The following CMSS1 variants were observed in gnomAD, a reference collection of about 807,000 sequenced individuals.
The protein encoded by CMSS1 is cms1 ribosomal small subunit homolog.
CMSS1 carries 33 observed loss-of-function variants against 43.5 expected under a neutral mutation model. That is an observed-to-expected ratio of 0.76 (90% CI 0.57 to 1.01). The LOEUF (loss-of-function observed/expected upper bound fraction) is 1.01, where lower values mean the gene tolerates loss of function less well. Among genes scored for constraint, CMSS1 ranks in the 50% least tolerant of loss-of-function variants. The probability of loss-of-function intolerance (pLI) is 0.00; values close to 1 mark genes in which losing one functional copy is unlikely to be tolerated. For missense variants in CMSS1, 313 were observed against 326.4 expected (o/e 0.96, Z 0.32); for synonymous variants, 115 against 117.2 (o/e 0.98, Z 0.12).
rs2067031636 is a variant in CMSS1, at chr3:100,162,374, G to A, written c.297G>A (p.Met99Ile). Reference sequence around the variant, plus strand: ...TACCTGAAGACCTACAGAAGCTGATGAAGGACTATTATAGCAGCAGACGCT... The same window carrying A: ...TACCTGAAGACCTACAGAAGCTGATAAAGGACTATTATAGCAGCAGACGCT... ...PGLPEDLQKL[M>I]KDYYSSRRLV... is the part of the protein sequence containing the mutation. The change falls in exon 4 of 10, where the codon ATG becomes ATA. Residue 99 changes from methionine to isoleucine, a missense_variant. Physicochemically the swap from Met to Ile is conservative, Grantham distance 10 (BLOSUM62 1). Coordinates refer to ENST00000421999, the MANE Select transcript of CMSS1 (RefSeq NM_032359.4). The A allele has an allele frequency of 6.2e-7, 1 of 1,613,754 alleles. No homozygotes were observed. Among genetic ancestry groups the A allele is most frequent in the Non-Finnish European group, 8.5e-7 (1 of 1,179,698 alleles).
At chr3:99,933,071 G>A (rs1197588438) in intron 1 of CMSS1, among the ~76,000 whole-genome samples, 1 of 152,176 alleles carries the variant, frequency 6.6e-6, no homozygotes, top group Non-Finnish European at 1.5e-5. Flanking sequence ...ACAAATGGAA[G>A]CACGGGAAAC....
At chr3:100,078,861 A>G (rs1020031197) in intron 1 of CMSS1, among the ~76,000 whole-genome samples, 1 of 152,188 alleles carries the variant, frequency 6.6e-6, no homozygotes, top group African/African-American at 2.4e-5. Context: ...ACTGCACTCC[A>G]GCCTGAGCGA....
Position 99,818,042 on chromosome 3 carries a change from A to G in CMSS1, c.63A>G (p.Pro21=), listed in dbSNP as rs1308723611. The G allele has an allele frequency of 1.2e-5, 19 of 1,613,296 alleles. No individual in the cohort carries two copies. In the Admixed American group the frequency reaches 3.2e-4, roughly 27 times the overall value. Residue 21 remains proline, a splice_region_variant and synonymous_variant, in exon 1 of 10, where the codon CCA becomes CCG. Coordinates refer to ENST00000421999, the MANE Select transcript of CMSS1 (RefSeq NM_032359.4). ...ENQPTGAGSS[P]EASDGEGEGD... is the part of the protein sequence containing the mutation. The stretch of plus-strand genomic sequence containing the variant: ...AGCCGACTGGAGCAGGCAGCAGCCC[A>G]GGTACCCACTCTGTGCCCGCGCTCC...
At chr3:100,139,579 G>GTGTA (rs2066786659) in intron 1 of CMSS1, among the ~76,000 whole-genome samples, 2 of 141,810 alleles carry the variant, frequency 1.4e-5, no homozygotes, top group Admixed American at 1.4e-4. Context: ...GTATATATAT[G>GTGTA]TGTATATATA....
At chr3:100,152,988 A>G (rs867783177) in intron 2 of CMSS1, among the ~76,000 whole-genome samples, 10 of 152,386 alleles carry the variant, frequency 6.6e-5, no homozygotes, top group African/African-American at 2.4e-4. Context: ...ATACTTCAGC[A>G]TGCATATCAC....
intron 1 of CMSS1, among the ~76,000 whole-genome samples, chr3:99,846,781 T>G (rs1168938700): frequency 6.6e-6 from 1 of 152,244 alleles, no homozygotes; most frequent in African/African-American, 2.4e-5. Flanking sequence ...CTTAAAGATC[T>G]TCACAGTTTG....
At chr3:100,015,081 A>T (rs556591884) in intron 1 of CMSS1, among the ~76,000 whole-genome samples, 53 of 151,534 alleles carry the variant, frequency 3.5e-4, no homozygotes, top group African/African-American at 1.3e-3. Context: ...ATTGTACGAG[A>T]TAAGGGTCTA....
intron 1 of CMSS1, among the ~76,000 whole-genome samples, chr3:100,118,743 C>A (rs2066596436): frequency 6.6e-6 from 1 of 152,100 alleles, no homozygotes. Flanking sequence ...TTTCCTGTGG[C>A]CTTTCTGTCA....
At chr3:100,095,761 A>C (rs2066194431) in intron 1 of CMSS1, among the ~76,000 whole-genome samples, 1 of 152,170 alleles carries the variant, frequency 6.6e-6, no homozygotes. Flanking sequence ...CAAAGCAAAA[A>C]TGGACAAATG....
At position 99,831,038 on chromosome 3, in the gene CMSS1, C is replaced by A. The variant is rs143171866; in HGVS notation, c.64+12995C>A. On this transcript the variant is annotated intron_variant, in intron 1 of 9. Coordinates refer to ENST00000421999, the MANE Select transcript of CMSS1 (RefSeq NM_032359.4). Reference sequence around the variant, plus strand: ...GTTTTCACAGTATGAGTGAGATGGGCAGCTCCAATGATGATTAGTGGAACA... The same window carrying A: ...GTTTTCACAGTATGAGTGAGATGGGAAGCTCCAATGATGATTAGTGGAACA... Among the ~76,000 whole-genome samples the A allele has an allele frequency of 1.5e-3, 232 of 152,276 alleles. 1 individual carries two copies. The highest frequency in any genetic ancestry group is 6.0e-3 in the South Asian group (29 of 4,830).
At chr3:99,892,442 A>G (rs1279965773) in intron 1 of CMSS1, among the ~76,000 whole-genome samples, 1 of 152,184 alleles carries the variant, frequency 6.6e-6, no homozygotes, top group Admixed American at 6.5e-5. Context: ...CTGAACTCCC[A>G]TTGGCTCAAA....
At chr3:99,992,797 G>T (rs751081664) in intron 1 of CMSS1, among the ~76,000 whole-genome samples, 20 of 151,970 alleles carry the variant, frequency 1.3e-4, no homozygotes, top group Admixed American at 1.3e-4. Context: ...TATGGTTTCA[G>T]ATCTTACATT....
chr3:100,128,573 TTCAA>T (rs780091975), intron 1 of CMSS1, among the ~76,000 whole-genome samples: 1 of 152,192 alleles, frequency 6.6e-6, no homozygotes, highest in Non-Finnish European at 1.5e-5. Flanking sequence ...AAGTGTACTG[TTCAA>T]TCAGTTTTTA....
chr3:99,836,316 G>A (rs943339565), intron 1 of CMSS1, among the ~76,000 whole-genome samples: 4 of 152,156 alleles, frequency 2.6e-5, no homozygotes, highest in Admixed American at 2.6e-4. Flanking sequence ...TTGAACCTGA[G>A]CAGTGGGGAA....
intron 1 of CMSS1, among the ~76,000 whole-genome samples, chr3:99,937,257 G>A (rs1192336111): frequency 2.0e-5 from 3 of 152,054 alleles, no homozygotes; most frequent in Non-Finnish European, 2.9e-5. Flanking sequence ...TTCATATGTG[G>A]ACCAATCTCC....
At chr3:99,843,372 G>C (rs1943217253) in intron 1 of CMSS1, among the ~76,000 whole-genome samples, 1 of 152,124 alleles carries the variant, frequency 6.6e-6, no homozygotes, top group Non-Finnish European at 1.5e-5. Context: ...TTTTTATTGA[G>C]CTTTCCTTTT....
At chr3:100,123,364 C>G (rs752481960) in intron 1 of CMSS1, among the ~76,000 whole-genome samples, 4 of 152,140 alleles carry the variant, frequency 2.6e-5, no homozygotes, top group Non-Finnish European at 4.4e-5. Context: ...TATTGTGAGC[C>G]AAAGAGGAGG....
intron 1 of CMSS1, among the ~76,000 whole-genome samples, chr3:100,139,602 T>C (rs2066787189): frequency 9.3e-6 from 1 of 107,446 alleles, no homozygotes; most frequent in African/African-American, 3.8e-5. Flanking sequence ...TGTGTGTATA[T>C]ATGTGTGTGT....
intron 1 of CMSS1, among the ~76,000 whole-genome samples, chr3:99,869,703 C>G (rs1492341): frequency 6.6e-6 from 1 of 152,148 alleles, no homozygotes; most frequent in Non-Finnish European, 1.5e-5. Flanking sequence ...GTCTTGCGAG[C>G]CCAAATGTGA....
Sources: gnomAD v4.1 joint callset for allele counts (sites outside exome capture counted in the v4.1 genomes callset) on GRCh38, gnomAD v4.1.1 for gene constraint, MANE v1.5 for transcripts, NCBI Gene and HGNC (gene_info 2026-07-23, HGNC 2026-07-21) for gene names.